CUL3: variants seen among roughly 807,000 people sequenced by gnomAD.
CUL3 encodes the protein cullin 3, also known as cullin-3.
Under a neutral mutation model 89.1 loss-of-function variants are expected in CUL3, and 19 were observed. The observed-to-expected ratio is 0.21, with a 90% CI of 0.15 to 0.31. CUL3 has a LOEUF of 0.31. Ranked by LOEUF, CUL3 falls within the 10% of genes least tolerant of loss-of-function variation. The pLI is 1.00. For missense variants in CUL3, 469 were observed against 942.3 expected (o/e 0.50, Z 6.58); for synonymous variants, 351 against 308.4 (o/e 1.14, Z -1.45).
In CUL3 at chr2:224,572,233, C is replaced by T. The variant is rs576150273; in HGVS notation, c.66+12711G>A. On this transcript the variant is annotated intron_variant, in intron 1 of 15. Coordinates refer to ENST00000264414, the MANE Select transcript of CUL3 (RefSeq NM_003590.5). ...CTTGGTAAACCACTTTCTCTAGACCCCTGTTTGCTCATCTGTTGAGAAAGA... is the reference window on the plus strand; with the variant it reads ...CTTGGTAAACCACTTTCTCTAGACCTCTGTTTGCTCATCTGTTGAGAAAGA... Among the ~76,000 whole-genome samples the T allele has an allele frequency of 2.9e-4, 44 of 152,212 alleles. 1 individual carries two copies. Among genetic ancestry groups the T allele is most frequent in the Admixed American group, 3.9e-4 (6 of 15,294 alleles).
rs1414480951 is a variant in CUL3 at position 224,471,055 on chromosome 2, ATGAT to A, written c.*3186_*3189del. ...AAATATTCAGAATAGTATCTGGCAT[ATGAT>A]AAGCACTTAAATGTTAACATTTCTA... On this transcript the variant is annotated 3_prime_UTR_variant, in exon 16 of 16. Transcript: ENST00000264414. The A allele has an allele frequency of 4.4e-6, 1 of 225,242 alleles. No individual in the cohort carries two copies. The highest frequency in any genetic ancestry group is 8.8e-6 in the Non-Finnish European group (1 of 113,260). 14.0% of individuals were successfully genotyped at this position (225,242 alleles called of 1,614,324 possible).
chr2:224,495,681 G>A, intron 13 of CUL3, 151 bp downstream of exon 13: 1 of 555,708 alleles, frequency 1.8e-6, no homozygotes, highest in Non-Finnish European at 3.1e-6. Flanking sequence ...ATACATGTAT[G>A]ATGTTCATAC....
chr2:224,511,572 T>A lies in CUL3; in HGVS notation c.665A>T (p.Gln222Leu), dbSNP rs2106216291. The A allele has an allele frequency of 1.9e-6, 3 of 1,565,046 alleles. No homozygotes were observed. The highest frequency in any genetic ancestry group is 2.6e-6 in the Non-Finnish European group (3 of 1,156,650). The change falls in exon 6 of 16, where the codon CAG becomes CTG. Residue 222 changes from glutamine to leucine, a missense_variant. By Grantham distance (113) the Gln-to-Leu change is moderately radical (BLOSUM62 -2). This residue lies in a region of CUL3 where 370 missense variants were observed against 733.2 expected (regional missense o/e 0.50). Coordinates refer to ENST00000264414, the MANE Select transcript of CUL3 (RefSeq NM_003590.5). ...AGCACTATTTTCTGCTAAAAATTTC[T>A]GGCTTTCCATCTGCCATTTAAAAAT... ...MSAEFFQMES[Q>L]KFLAENSASV...
chr2:224,529,369 G>A (rs1047152760), intron 3 of CUL3, among the ~76,000 whole-genome samples: 2 of 151,598 alleles, frequency 1.3e-5, no homozygotes, highest in Admixed American at 1.3e-4. Flanking sequence ...TGTAATCCCA[G>A]TACTTTGGGA....
chr2:224,574,564 T>C (rs1310938659), intron 1 of CUL3, among the ~76,000 whole-genome samples: 1 of 152,202 alleles, frequency 6.6e-6, no homozygotes, highest in Non-Finnish European at 1.5e-5. Context: ...CAGGAGCTGC[T>C]CTCAAGGACC....
chr2:224,500,389 T>A lies in CUL3; in HGVS notation c.1584A>T (p.Pro528=), dbSNP rs150860278. Reference sequence around the variant, plus strand: ...TTCTGAATATCTCAAAAGCATGTCTTGGTGCTGGTGGGATGTTGCACTTTG... The same window carrying A: ...TTCTGAATATCTCAAAAGCATGTCTAGGTGCTGGTGGGATGTTGCACTTTG... ...ATPKCNIPPA[P]RHAFEIFRRF... is the part of the protein sequence containing the mutation. Residue 528 remains proline (P), a synonymous_variant, in exon 11 of 16, where the codon CCA becomes CCT. Transcript: ENST00000264414. 2 of 1,614,148 alleles carry A rather than the reference T, an allele frequency of 1.2e-6. No individual in the cohort carries two copies. Among genetic ancestry groups the A allele is most frequent in the South Asian group, 2.2e-5 (2 of 91,082 alleles).
intron 13 of CUL3, among the ~76,000 whole-genome samples, chr2:224,494,627 C>T (rs946502351): frequency 2.0e-5 from 3 of 151,780 alleles, no homozygotes; most frequent in East Asian, 1.9e-4. Context: ...TAAATAATGA[C>T]GACAAGGTAA....
chr2:224,494,044 C>T (rs1195191890), intron 13 of CUL3, among the ~76,000 whole-genome samples: 1 of 152,132 alleles, frequency 6.6e-6, no homozygotes, highest in Admixed American at 6.5e-5. Flanking sequence ...CTCAATTTAG[C>T]CACTGAGCTA....
At chr2:224,554,764 G>A (rs979638478) in intron 2 of CUL3, among the ~76,000 whole-genome samples, 2 of 152,120 alleles carry the variant, frequency 1.3e-5, no homozygotes, top group East Asian at 1.9e-4. Context: ...AACCTCTGAC[G>A]AATGAGAACA....
chr2:224,511,908 T>A (rs1292211803), intron 5 of CUL3, among the ~76,000 whole-genome samples: 1 of 152,082 alleles, frequency 6.6e-6, no homozygotes, highest in Admixed American at 6.5e-5. Context: ...CAAGATACAG[T>A]GGGACATTCT....
At chr2:224,510,020 TTA>T (rs1156297155) in intron 6 of CUL3, among the ~76,000 whole-genome samples, 5 of 152,168 alleles carry the variant, frequency 3.3e-5, no homozygotes, top group Non-Finnish European at 5.9e-5. Context: ...CACATAAAAA[TTA>T]TATGAAATTC....
rs10165795 is a variant in CUL3, at chr2:224,523,355, C to A, written c.379-8583G>T. Among the ~76,000 whole-genome samples, 478 of 151,570 alleles carry A rather than the reference C, an allele frequency of 3.2e-3. 3 individuals carry two copies. The highest frequency in any genetic ancestry group is 5.6e-3 in the Non-Finnish European group (379 of 67,898). The stretch of plus-strand genomic sequence containing the variant: ...ATAAAAGCTGGATGAAAATAAAAAA[C>A]TACCACCTCATACCCATTAGAAGAG... On this transcript the variant is annotated intron_variant, in intron 3 of 15. Transcript: ENST00000264414.
chr2:224,534,451 T>C (rs540887827), intron 3 of CUL3, among the ~76,000 whole-genome samples: 5 of 152,286 alleles, frequency 3.3e-5, no homozygotes, highest in East Asian at 1.9e-4. Flanking sequence ...GAAAAAATAA[T>C]TGTATTAATA....
intron 2 of CUL3, among the ~76,000 whole-genome samples, chr2:224,541,705 A>G (rs1440397693): frequency 6.6e-6 from 1 of 152,224 alleles, no homozygotes; most frequent in African/African-American, 2.4e-5. Flanking sequence ...CATTCATACA[A>G]TAGAGTATCA....
chr2:224,582,182 TCTCAAAGCTCCTGACCTCAGGTGA>T (rs1695457381), intron 1 of CUL3, among the ~76,000 whole-genome samples: 1 of 152,064 alleles, frequency 6.6e-6, no homozygotes, highest in Non-Finnish European at 1.5e-5. Flanking sequence ...GCCCGGCTGG[TCTCAAAGCTCCTGACCTCAGGTGA>T]TCCACCTGCC....
In CUL3 at chr2:224,472,740, G is replaced by A. The variant is rs1406131731; in HGVS notation, c.*1505C>T. ...TAAAAGGAAAATTATAACCCAAGACGCATGGGGAAAAATATTTATGTGGAG... is the reference window on the plus strand; with the variant it reads ...TAAAAGGAAAATTATAACCCAAGACACATGGGGAAAAATATTTATGTGGAG... On this transcript the variant is annotated 3_prime_UTR_variant, in exon 16 of 16. Transcript: ENST00000264414. 3.6e-5 allele frequency: 7 copies of A among 195,474 alleles called. No individual in the cohort carries two copies. Among genetic ancestry groups the A allele is most frequent in the Admixed American group, 1.2e-4 (2 of 16,444 alleles). The allele number at this position is 195,474 out of a possible 1,614,324, so 12.1% of individuals were successfully genotyped here.
intron 10 of CUL3, 146 bp downstream of exon 10, chr2:224,502,819 A>G (rs1179812573): frequency 3.3e-6 from 2 of 610,912 alleles, no homozygotes; most frequent in Non-Finnish European, 5.8e-6. Context: ...GGCAATGTGA[A>G]GGAAAATTAA....
intron 2 of CUL3, among the ~76,000 whole-genome samples, chr2:224,542,495 T>TTGTG (rs10590934): frequency 0.16 from 23,543 of 150,226 alleles, 1,952 homozygotes; most frequent in South Asian, 0.27. Flanking sequence ...TTCTGGCTTT[T>TTGTG]TGTGTGTGTG....
At chr2:224,566,178 G>A (rs1239778658) in intron 1 of CUL3, among the ~76,000 whole-genome samples, 4 of 152,168 alleles carry the variant, frequency 2.6e-5, no homozygotes, top group Admixed American at 6.5e-5. Context: ...TAGGTGCATT[G>A]TCCAGTAGAA....
Sources: gnomAD v4.1 joint callset for allele counts (sites outside exome capture counted in the v4.1 genomes callset) on GRCh38, gnomAD v4.1.1 for gene constraint, gnomAD v4.1.1 regional missense constraint, MANE v1.5 for transcripts, NCBI Gene and HGNC (gene_info 2026-07-23, HGNC 2026-07-21) for gene names.